The following DERA variants were observed in gnomAD, a reference collection of about 807,000 sequenced individuals.
DERA encodes 2-deoxy-D-ribose 5-phosphate aldolase.
A neutral mutation model predicts 41.1 loss-of-function variants in DERA; 15 were observed. The ratio of observed to expected loss-of-function variants is 0.37; its 90% CI spans 0.24 to 0.56. The LOEUF (loss-of-function observed/expected upper bound fraction) is 0.56. Among genes scored for constraint, DERA ranks in the 20% least tolerant of loss-of-function variants. DERA has a pLI of 0.81. For synonymous variants in DERA, 139 were observed against 137.4 expected (o/e 1.01, Z -0.08); for missense variants, 396 against 403.4 (o/e 0.98, Z 0.16).
At chr12:16,006,574 C>T (rs1207811375) in intron 6 of DERA, among the ~76,000 whole-genome samples, 3 of 152,250 alleles carry the variant, frequency 2.0e-5, no homozygotes, top group Non-Finnish European at 2.9e-5. Flanking sequence ...CATTTCCACA[C>T]GTCGTACCCG....
In DERA at chr12:15,941,720, GCT is replaced by G. The variant is rs1948410363; in HGVS notation, c.32-15214_32-15213del. 6.6e-6 allele frequency among the ~76,000 whole-genome samples: 1 copy of G among 152,080 alleles called. No homozygotes were observed. Among genetic ancestry groups the G allele is most frequent in the Admixed American group, 6.5e-5 (1 of 15,270 alleles). ...AGACATTATTTCGTTTCCTTTTATG[GCT>G]CAGTACTCCATGATGTATATATACC... On this transcript the variant is annotated intron_variant, in intron 1 of 8. Coordinates refer to ENST00000428559, the MANE Select transcript of DERA (RefSeq NM_015954.4). This position sits in a 1 kb window ranked among gnomAD's most constrained non-coding sequence, Gnocchi z 4.5.
In DERA at chr12:16,010,274, A is replaced by G. The variant is rs1360690148; in HGVS notation, c.638-22268A>G. On this transcript the variant is annotated intron_variant, in intron 6 of 8. Transcript: ENST00000428559. This position sits in a 1 kb window ranked among gnomAD's most constrained non-coding sequence, Gnocchi z 5.5. ...TTGCGTGCATGCTTAGTATTAATGC[A>G]TGACTTCTGCAGAGTCTAGGTCAGG... is the stretch of plus-strand genomic sequence containing the variant. 1.3e-5 allele frequency among the ~76,000 whole-genome samples: 2 copies of G among 152,314 alleles called. No homozygotes were observed. Among genetic ancestry groups the G allele is most frequent in the African/African-American group, 2.4e-5 (1 of 41,568 alleles).
At chr12:16,034,002 C>A (rs1270266339) in intron 7 of DERA, among the ~76,000 whole-genome samples, 4 of 152,130 alleles carry the variant, frequency 2.6e-5, no homozygotes, top group Non-Finnish European at 5.9e-5. Context: ...ATAAATCTAT[C>A]TTTGGTCCTC....
chr12:15,923,110 C>T (rs1262691900), intron 1 of DERA, among the ~76,000 whole-genome samples: 2 of 147,800 alleles, frequency 1.4e-5, no homozygotes, highest in Non-Finnish European at 3.0e-5. Flanking sequence ...GCAAGCTCCG[C>T]CTCCCGGGTT....
At position 15,972,840 on chromosome 12, in the gene DERA, TTAAA is replaced by T. The variant is rs1205269481; in HGVS notation, c.509-9463_509-9460del. ...CTAGTGCTGGACTTGGAAGTTAATC[TTAAA>T]TAAAGAAAACTAAAATGCTATCGAT... On this transcript the variant is annotated intron_variant, in intron 5 of 8. Coordinates refer to ENST00000428559, the MANE Select transcript of DERA (RefSeq NM_015954.4). The surrounding 1 kb of genome is among the most constrained non-coding windows in gnomAD (Gnocchi z 4.4). Among the ~76,000 whole-genome samples, 1 of 152,132 alleles carries T rather than the reference TTAAA, an allele frequency of 6.6e-6. No homozygotes were observed. The highest frequency in any genetic ancestry group is 1.5e-5 in the Non-Finnish European group (1 of 68,026).
chr12:15,970,935 A>G lies in DERA; in HGVS notation c.508+7988A>G, dbSNP rs912385349. ...GAGAATAAATGGTGTTACCATCTTT[A>G]TTCAGAAAGTCATTATTTTTAGCAA... On this transcript the variant is annotated intron_variant, in intron 5 of 8. Coordinates refer to ENST00000428559, the MANE Select transcript of DERA (RefSeq NM_015954.4). This position sits in a 1 kb window ranked among gnomAD's most constrained non-coding sequence, Gnocchi z 4.3. 7.9e-5 allele frequency among the ~76,000 whole-genome samples: 12 copies of G among 152,238 alleles called. No individual in the cohort carries two copies. Among genetic ancestry groups the G allele is most frequent in the African/African-American group, 2.7e-4 (11 of 41,462 alleles).
chr12:15,919,028 C>T (rs12579103), intron 1 of DERA, among the ~76,000 whole-genome samples: 1 of 152,008 alleles, frequency 6.6e-6, no homozygotes, highest in Non-Finnish European at 1.5e-5. Flanking sequence ...TACACAGAGT[C>T]AATAATTATG....
chr12:16,036,494 C>T lies in DERA; in HGVS notation c.900+113C>T. ...AACTCATCTGATTGACCTCATCCTACCCAATCCTCTACCTTTTCTTCCAAG... is the reference window on the plus strand; with the variant it reads ...AACTCATCTGATTGACCTCATCCTATCCAATCCTCTACCTTTTCTTCCAAG... On this transcript the variant is annotated intron_variant, in intron 8 of 8. Coordinates refer to ENST00000428559, the MANE Select transcript of DERA (RefSeq NM_015954.4). This position sits in a 1 kb window ranked among gnomAD's most constrained non-coding sequence, Gnocchi z 4.9. 1.6e-6 allele frequency: 2 copies of T among 1,271,688 alleles called. No homozygotes were observed. The highest frequency in any genetic ancestry group is 2.2e-6 in the Non-Finnish European group (2 of 922,182). 78.8% of individuals were successfully genotyped at this position (1,271,688 alleles called of 1,614,324 possible). A position where few individuals can be genotyped will look rare whatever the true frequency, so the allele number is the denominator to read the frequency against.
chr12:15,930,411 A>G (rs920865886), intron 1 of DERA, among the ~76,000 whole-genome samples: 15 of 152,204 alleles, frequency 9.9e-5, no homozygotes, highest in African/African-American at 3.6e-4. Context: ...GAATTTATCC[A>G]TCCCAAGTTC....
In DERA at chr12:15,990,897, G is replaced by A. The variant is rs1341649342; in HGVS notation, c.637+8461G>A. ...ATTGATTCCATGTCTTTGCTGTTGT[G>A]AGTATTGCTGCGATGAACATATGCA... On this transcript the variant is annotated intron_variant, in intron 6 of 8. Coordinates refer to ENST00000428559, the MANE Select transcript of DERA (RefSeq NM_015954.4). The surrounding 1 kb of genome is among the most constrained non-coding windows in gnomAD (Gnocchi z 4.3). Among the ~76,000 whole-genome samples, 1 of 152,074 alleles carries A rather than the reference G, an allele frequency of 6.6e-6. No homozygotes were observed. Among genetic ancestry groups the A allele is most frequent in the Non-Finnish European group, 1.5e-5 (1 of 68,008 alleles).
At chr12:15,997,492 C>T (rs1948846487) in intron 6 of DERA, among the ~76,000 whole-genome samples, 1 of 152,150 alleles carries the variant, frequency 6.6e-6, no homozygotes, top group South Asian at 2.1e-4. Flanking sequence ...TTACATTGCT[C>T]AGCAAGGTGT....
Position 15,981,505 on chromosome 12 carries a change from G to A in DERA, c.509-803G>A, listed in dbSNP as rs1948732707. Among the ~76,000 whole-genome samples, 1 of 152,170 alleles carries A rather than the reference G, an allele frequency of 6.6e-6. No homozygotes were observed. Among genetic ancestry groups the A allele is most frequent in the Non-Finnish European group, 1.5e-5 (1 of 68,024 alleles). ...AAAGCCAAAATTCACTAGTATCATT[G>A]ACAAAAGACTTAAATAATTTTTTAA... On this transcript the variant is annotated intron_variant, in intron 5 of 8. Transcript: ENST00000428559. This position sits in a 1 kb window ranked among gnomAD's most constrained non-coding sequence, Gnocchi z 6.1.
At chr12:15,969,587 A>G (rs1948646390) in intron 5 of DERA, among the ~76,000 whole-genome samples, 3 of 152,208 alleles carry the variant, frequency 2.0e-5, no homozygotes, top group African/African-American at 7.2e-5. Flanking sequence ...GCTCTCTTAA[A>G]TCTGGCCTGT....
At chr12:15,956,081 A>G (rs1948535959) in intron 1 of DERA, among the ~76,000 whole-genome samples, 1 of 152,230 alleles carries the variant, frequency 6.6e-6, no homozygotes. Flanking sequence ...CCCAAAGATG[A>G]GTAACATCAT....
Position 15,913,731 on chromosome 12 carries a change from A to G in DERA, c.31+2317A>G, listed in dbSNP as rs576343273. On this transcript the variant is annotated intron_variant, in intron 1 of 8. Coordinates refer to ENST00000428559, the MANE Select transcript of DERA (RefSeq NM_015954.4). The surrounding 1 kb of genome is among the most constrained non-coding windows in gnomAD (Gnocchi z 4.5). ...CTCATGATTAAAAAGTCTTTAAGGA[A>G]AACATTGGCATTTGGATGTATGAAA... Among the ~76,000 whole-genome samples the G allele has an allele frequency of 1.3e-5, 2 of 152,342 alleles. No individual in the cohort carries two copies. Among genetic ancestry groups the G allele is most frequent in the Admixed American group, 6.5e-5 (1 of 15,300 alleles).
intron 1 of DERA, among the ~76,000 whole-genome samples, chr12:15,955,713 T>C (rs1948533038): frequency 6.6e-6 from 1 of 152,198 alleles, no homozygotes; most frequent in African/African-American, 2.4e-5. Context: ...TACTGATACT[T>C]TTAAGAAGAA....
intron 1 of DERA, among the ~76,000 whole-genome samples, chr12:15,929,057 C>G (rs1387203031): frequency 1.3e-5 from 2 of 152,204 alleles, no homozygotes; most frequent in African/African-American, 4.8e-5. Context: ...GCTTCGGGTT[C>G]AGCTGGGTCA....
Position 15,959,894 on chromosome 12 carries a change from G to T in DERA, c.343G>T (p.Ala115Ser), listed in dbSNP as rs764932805. The change falls in exon 4 of 9, where the codon GCT becomes TCT. Residue 115 changes from alanine (A) to serine (S), a missense_variant. Ala to Ser is a moderately conservative substitution (Grantham distance 99). Transcript: ENST00000428559. The surrounding 1 kb of genome is among the most constrained non-coding windows in gnomAD (Gnocchi z 4.5). ...RVCDAVKALK[A>S]AGCNIPVASV... is the part of the protein sequence containing the mutation. ...GTGTGATGCTGTAAAAGCACTCAAG[G>T]CTGCAGGCTGTAATATCCCTGTGGC... The T allele has an allele frequency of 3.6e-5, 56 of 1,549,436 alleles. No homozygotes were observed. The highest frequency in any genetic ancestry group is 7.8e-5 in the Admixed American group (4 of 51,246).
At chr12:15,923,017 C>CTTTTT (rs1208644862) in intron 1 of DERA, among the ~76,000 whole-genome samples, 52 of 104,430 alleles carry the variant, frequency 5.0e-4, no homozygotes, top group Non-Finnish European at 6.4e-4. Flanking sequence ...TTTGTTTTTG[C>CTTTTT]TTTTTTTTTT....
Sources: allele counts gnomAD v4.1 joint callset (sites outside exome capture counted in the v4.1 genomes callset), GRCh38; gene constraint gnomAD v4.1.1; non-coding constraint Gnocchi (gnomAD v3.1); transcripts MANE v1.5; gene names NCBI Gene and HGNC (gene_info 2026-07-23, HGNC 2026-07-21).